Variants in MAPKAPK3 observed in about 807,000 individuals in gnomAD.
MAPKAPK3 encodes MAP kinase-activated protein kinase 3.
MAPKAPK3 carries 35 observed loss-of-function variants against 49.2 expected under a neutral mutation model. The ratio of observed to expected loss-of-function variants is 0.71; its 90% CI spans 0.54 to 0.94. MAPKAPK3 has a LOEUF of 0.94. MAPKAPK3 is among the 40% of genes least tolerant of loss of function. The pLI, the probability that MAPKAPK3 is intolerant of heterozygous loss-of-function variation, is 0.00. For synonymous variants in MAPKAPK3, 178 were observed against 188.7 expected (o/e 0.94, Z 0.46); for missense variants, 398 against 493.1 (o/e 0.81, Z 1.83).
intron 2 of MAPKAPK3, among the ~76,000 whole-genome samples, chr3:50,638,975 G>A (rs1049085645): frequency 2.6e-5 from 4 of 152,208 alleles, no homozygotes; most frequent in Non-Finnish European, 5.9e-5. Context: ...CTTTTTGGGG[G>A]TGGCTTGTCC....
chr3:50,613,046 C>G (rs576684393), upstream of MAPKAPK3: 8 of 152,280 alleles, frequency 5.3e-5, no homozygotes, highest in African/African-American at 1.9e-4. Flanking sequence ...TCTTGAAGGA[C>G]TGTAGGGTCT....
At chr3:50,629,275 C>T (rs2107583090) in intron 2 of MAPKAPK3, among the ~76,000 whole-genome samples, 1 of 152,088 alleles carries the variant, frequency 6.6e-6, no homozygotes, top group East Asian at 1.9e-4. Context: ...GGTTCTGCCT[C>T]CCCCAGGTCC....
At chr3:50,640,704 G>A (rs1469587742) in intron 3 of MAPKAPK3, among the ~76,000 whole-genome samples, 199 bp downstream of exon 3, 8 of 152,182 alleles carry the variant, frequency 5.3e-5, no homozygotes, top group Non-Finnish European at 1.5e-5. Flanking sequence ...TTCCCTCAAG[G>A]GTGGGCAAGA....
intron 2 of MAPKAPK3, among the ~76,000 whole-genome samples, chr3:50,623,383 G>A (rs1041366256): frequency 3.3e-5 from 5 of 152,182 alleles, no homozygotes; most frequent in African/African-American, 1.2e-4. Flanking sequence ...TGATTGTTCT[G>A]AGATGGTTCG....
upstream of MAPKAPK3, among the ~76,000 whole-genome samples, chr3:50,613,371 C>T (rs1218940206): frequency 1.3e-5 from 2 of 152,238 alleles, no homozygotes; most frequent in African/African-American, 4.8e-5. Flanking sequence ...TTCTCTGTAG[C>T]TTTCCTGAAG....
At chr3:50,630,881 C>A (rs1435893563) in intron 2 of MAPKAPK3, among the ~76,000 whole-genome samples, 1 of 152,192 alleles carries the variant, frequency 6.6e-6, no homozygotes, top group African/African-American at 2.4e-5. Flanking sequence ...TTATGGTGAC[C>A]ACTGTGTGAG....
rs1197979660 is a variant in MAPKAPK3, at chr3:50,648,441, C to G, written c.*395C>G. 3.0e-5 allele frequency: 5 copies of G among 165,304 alleles called. No individual in the cohort carries two copies. The highest frequency in any genetic ancestry group is 2.9e-4 in the Admixed American group (5 of 16,976). 10.2% of individuals were successfully genotyped at this position (165,304 alleles called of 1,614,324 possible). On this transcript the variant is annotated 3_prime_UTR_variant, in exon 11 of 11. Transcript: ENST00000621469. ...TGTGGGATGGGCAGATGGGCCTGGC[C>G]TTGAGAAAGGCATTGGCCATTGGTT... is the stretch of plus-strand genomic sequence containing the variant.
intron 4 of MAPKAPK3, 131 bp downstream of exon 4, chr3:50,641,902 T>C (rs1403917097): frequency 9.7e-6 from 8 of 828,612 alleles, no homozygotes; most frequent in African/African-American, 1.7e-5. Context: ...TGAGACTCAG[T>C]GTCCATCCCC....
At chr3:50,635,014 T>C (rs988439470) in intron 2 of MAPKAPK3, among the ~76,000 whole-genome samples, 2 of 152,146 alleles carry the variant, frequency 1.3e-5, no homozygotes, top group Non-Finnish European at 2.9e-5. Context: ...CCACCCTATA[T>C]AGCCCAAGCC....
intron 2 of MAPKAPK3, 117 bp downstream of exon 2, chr3:50,617,901 C>T (rs2032513345): frequency 5.2e-6 from 4 of 766,050 alleles, no homozygotes; most frequent in Non-Finnish European, 6.6e-6. Context: ...CATGTTTCAT[C>T]GTCATACTGT....
chr3:50,614,968 TA>T (rs1157073683), upstream of MAPKAPK3, among the ~76,000 whole-genome samples: 2 of 152,214 alleles, frequency 1.3e-5, no homozygotes, highest in Non-Finnish European at 2.9e-5. Flanking sequence ...GAGACCAGCT[TA>T]AAAAATACAA....
chr3:50,639,585 T>C (rs1015522765), intron 2 of MAPKAPK3, among the ~76,000 whole-genome samples: 1 of 152,228 alleles, frequency 6.6e-6, no homozygotes, highest in Non-Finnish European at 1.5e-5. Context: ...TTTGTTCTCA[T>C]GCCCACTCCT....
intron 2 of MAPKAPK3, among the ~76,000 whole-genome samples, chr3:50,637,891 C>T (rs983124754): frequency 2.0e-5 from 3 of 152,056 alleles, no homozygotes; most frequent in Non-Finnish European, 4.4e-5. Flanking sequence ...TTGGGAACAA[C>T]ATATATATTT....
chr3:50,638,928 A>G (rs1398908707), intron 2 of MAPKAPK3, among the ~76,000 whole-genome samples: 9 of 152,224 alleles, frequency 5.9e-5, no homozygotes, highest in Admixed American at 5.9e-4. Flanking sequence ...CTCCATTAGG[A>G]AACACAGTGT....
upstream of MAPKAPK3, among the ~76,000 whole-genome samples, chr3:50,615,859 A>G (rs1004989533): frequency 6.6e-6 from 1 of 152,242 alleles, no homozygotes; most frequent in South Asian, 2.1e-4. Flanking sequence ...GGTACCCACT[A>G]ATAAGTTGTA....
intron 4 of MAPKAPK3, 98 bp downstream of exon 4, chr3:50,641,869 C>A (rs2033184005): frequency 9.7e-7 from 1 of 1,029,346 alleles, no homozygotes; most frequent in Non-Finnish European, 1.5e-6. Flanking sequence ...TCCTCTCAGT[C>A]TTCCCATCTG....
rs372421280 is a variant in MAPKAPK3, at chr3:50,644,445, G to A, written c.541G>A (p.Ala181Thr). The change falls in exon 6 of 11, where the codon GCA (alanine) becomes ACA (threonine). Residue 181 changes from alanine (A) to threonine (T), a missense_variant. Physicochemically the swap from Ala to Thr is moderately conservative, Grantham distance 58 (BLOSUM62 0). Transcript: ENST00000621469. ...NLLYTSKEKD[A>T]VLKLTDFGFA... The stretch of plus-strand genomic sequence containing the variant: ...ACTCTACACATCTAAGGAGAAAGAC[G>A]CAGTGCTTAAGCTCACCGATTTTGG... 5 of 1,614,080 alleles carry A rather than the reference G, an allele frequency of 3.1e-6. No homozygotes were observed. The highest frequency in any genetic ancestry group is 1.3e-5 in the African/African-American group (1 of 74,926).
upstream of MAPKAPK3, chr3:50,611,525 C>T: frequency 6.6e-7 from 1 of 1,512,430 alleles, no homozygotes; most frequent in South Asian, 1.2e-5. Context: ...CGCTCAGTCA[C>T]CTCTGGCCCG....
At chr3:50,644,629 C>A in intron 6 of MAPKAPK3, 97 bp downstream of exon 6, 2 of 1,330,186 alleles carry the variant, frequency 1.5e-6, no homozygotes, top group South Asian at 1.4e-5. Flanking sequence ...GGGTTAAAGC[C>A]CAGCAAGGAG....
Sources: gnomAD v4.1 joint callset for allele counts (sites outside exome capture counted in the v4.1 genomes callset) on GRCh38, gnomAD v4.1.1 for gene constraint, MANE v1.5 for transcripts, NCBI Gene and HGNC (gene_info 2026-07-23, HGNC 2026-07-21) for gene names.